Variants in COPB1 observed in about 807,000 individuals in gnomAD.
COPB1 encodes the protein coat protein complex I subunit beta 1.
A neutral mutation model predicts 108.7 loss-of-function variants in COPB1; 21 were observed. The ratio of observed to expected loss-of-function variants is 0.19; its 90% confidence interval spans 0.14 to 0.28. The LOEUF (loss-of-function observed/expected upper bound fraction) is 0.28. COPB1 is among the 10% of genes least tolerant of loss of function. COPB1 has a pLI of 1.00. For missense variants in COPB1, 919 were observed against 1,141.3 expected (o/e 0.81, Z 2.81); for synonymous variants, 378 against 386.8 (o/e 0.98, Z 0.27).
At chr11:14,486,827 G>A (rs1019043651) in intron 6 of COPB1, among the ~76,000 whole-genome samples, 2 of 151,942 alleles carry the variant, frequency 1.3e-5, no homozygotes, top group Non-Finnish European at 2.9e-5. Flanking sequence ...TTACTGTTTC[G>A]TAAAAGGTTT....
At chr11:14,464,648 A>T (rs2575831) in intron 18 of COPB1, among the ~76,000 whole-genome samples, 101,480 of 151,928 alleles carry the variant, frequency 0.67, 34,114 homozygotes, top group African/African-American at 0.71. Context: ...ATATAAACCA[A>T]CCTGTAACAC....
At chr11:14,483,228 CCA>C (rs3217599) in intron 7 of COPB1, 77 bp from the exon 8 acceptor site, 33,893 of 497,426 alleles carry the variant, frequency 0.068, 414 homozygotes, top group African/African-American at 0.12. Flanking sequence ...CGCGCGCACA[CCA>C]CACACACACA....
intron 10 of COPB1, among the ~76,000 whole-genome samples, chr11:14,480,377 C>T (rs1342404968): frequency 2.0e-5 from 3 of 152,164 alleles, no homozygotes; most frequent in African/African-American, 7.2e-5. Context: ...CTGACAGTGA[C>T]AGCAAAATAT....
At chr11:14,486,567 T>C in intron 6 of COPB1, 63 bp from the exon 7 acceptor site, 1 of 1,588,174 alleles carries the variant, frequency 6.3e-7, no homozygotes, top group South Asian at 1.1e-5. Flanking sequence ...AATGGAGTTT[T>C]TTCATGAATG....
chr11:14,498,844 C>G lies in COPB1; in HGVS notation c.85G>C (p.Asp29His). 1 of 1,595,414 alleles carries G rather than the reference C, an allele frequency of 6.3e-7. No homozygotes were observed. Among genetic ancestry groups the G allele is most frequent in the Non-Finnish European group, 8.5e-7 (1 of 1,173,178 alleles). ...AAATAATATCGAAGTTTACCTAGAT[C>G]ATTTTTTAAGCTAATTTCAGATGGT... is the stretch of plus-strand genomic sequence containing the variant. ...EPPSEISLKN[D>H]LEKGDVKSKT... The change falls in exon 2 of 22, where the codon GAT becomes CAT. Residue 29 changes from aspartate (D) to histidine (H), a missense_variant. Physicochemically the swap from Asp to His is moderately conservative, Grantham distance 81. This residue lies in a region of COPB1 where 92 missense variants were observed against 108.4 expected (regional missense o/e 0.85). Transcript: ENST00000439561.
At chr11:14,496,305 C>T (rs1392818017) in intron 2 of COPB1, among the ~76,000 whole-genome samples, 1 of 151,548 alleles carries the variant, frequency 6.6e-6, no homozygotes, top group East Asian at 1.9e-4. Flanking sequence ...AAAGGAGACA[C>T]GGTATACATT....
In COPB1 at chr11:14,468,717, T is replaced by C. The variant is rs1350986914; in HGVS notation, c.2109A>G (p.Lys703=). The C allele has an allele frequency of 1.9e-6, 3 of 1,614,166 alleles. No homozygotes were observed. The highest frequency in any genetic ancestry group is 1.7e-5 in the Admixed American group (1 of 60,030). Residue 703 remains lysine, a synonymous_variant, in exon 16 of 22, where the codon AAA becomes AAG. Coordinates refer to ENST00000439561, the MANE Select transcript of COPB1 (RefSeq NM_001144061.2). ...TAGATGCTAGGGGATCTGCTGCCTC[T>C]TTCCTCTGTGTGTTACCCATTGCTG... ...LLAAMGNTQR[K]EAADPLASKL... is the part of the protein sequence containing the mutation.
In COPB1 at chr11:14,457,555, G is replaced by A. The variant is rs1850055423; in HGVS notation, c.*269C>T. 4.7e-6 allele frequency: 1 copy of A among 212,848 alleles called. No individual in the cohort carries two copies. The highest frequency in any genetic ancestry group is 5.7e-5 in the Admixed American group (1 of 17,426). 13.2% of individuals were successfully genotyped at this position (212,848 alleles called of 1,614,324 possible). A position where few individuals can be genotyped will look rare whatever the true frequency, so the allele number is the denominator to read the frequency against. On this transcript the variant is annotated 3_prime_UTR_variant, in exon 22 of 22. Coordinates refer to ENST00000439561, the MANE Select transcript of COPB1 (RefSeq NM_001144061.2). ...TATTTATAAAATAACAAAAATTTAT[G>A]AATAGATCTGTTTATTGTACTGTGA... is the stretch of plus-strand genomic sequence containing the variant.
chr11:14,484,416 G>A (rs2597193), intron 7 of COPB1, among the ~76,000 whole-genome samples: 47,573 of 152,046 alleles, frequency 0.31, 8,244 homozygotes, highest in African/African-American at 0.47. Flanking sequence ...GCTGGGTGAA[G>A]AATATATAAG....
In COPB1 at chr11:14,489,805, T is replaced by C. The variant is rs569257996; in HGVS notation, c.606+760A>G. On this transcript the variant is annotated intron_variant, in intron 5 of 21. Coordinates refer to ENST00000439561, the MANE Select transcript of COPB1 (RefSeq NM_001144061.2). ...AAGTTATGAGGATGGAAGATAGTGA[T>C]GGTTCTACATTATAAATGTATTTAA... Among the ~76,000 whole-genome samples, 28 of 152,320 alleles carry C rather than the reference T, an allele frequency of 1.8e-4. 1 individual carries two copies. The South Asian group carries it at 5.0e-3, about 27-fold the overall frequency.
Position 14,466,651 on chromosome 11 carries a change from A to G in COPB1, c.2146-225T>C, listed in dbSNP as rs577148423. 7.9e-5 allele frequency among the ~76,000 whole-genome samples: 12 copies of G among 152,350 alleles called. No homozygotes were observed. The East Asian group carries it at 2.3e-3, about 29-fold the overall frequency. On this transcript the variant is annotated intron_variant, in intron 16 of 21. Transcript: ENST00000439561. ...AGACATCTATTTGTTTTTAAGCTCA[A>G]TAACTCAGTATAAGGTATTATACAT...
chr11:14,494,421 G>GAAGA lies in COPB1; in HGVS notation c.109_110insTCTT (p.Ser37PhefsTer5). On this transcript the variant is annotated frameshift_variant, in exon 3 of 22. Transcript: ENST00000439561. LOFTEE classifies it high-confidence loss of function. ...TACTTTCTTCAAAGCTTCAGTCTTTGACTTTACATCTCCTTTTTCTGAATC... is the reference window on the plus strand; with the variant it reads ...TACTTTCTTCAAAGCTTCAGTCTTTGAAGAACTTTACATCTCCTTTTTCTGAATC... 6.3e-7 allele frequency: 1 copy of GAAGA among 1,577,496 alleles called. No homozygotes were observed. The highest frequency in any genetic ancestry group is 8.6e-7 in the Non-Finnish European group (1 of 1,156,146).
chr11:14,461,745 G>A (rs895215027), intron 18 of COPB1, among the ~76,000 whole-genome samples: 1 of 152,132 alleles, frequency 6.6e-6, no homozygotes, highest in African/African-American at 2.4e-5. Context: ...CCCATAGGAG[G>A]TACTTAACTA....
intron 13 of COPB1, 91 bp downstream of exon 13, chr11:14,475,694 A>G: frequency 7.7e-7 from 1 of 1,303,076 alleles, no homozygotes; most frequent in Admixed American, 2.9e-5. Context: ...TTGGTTGCAA[A>G]AGCAAGAGGA....
intron 17 of COPB1, among the ~76,000 whole-genome samples, 188 bp downstream of exon 17, chr11:14,466,094 T>A (rs980093717): frequency 6.6e-6 from 1 of 152,172 alleles, no homozygotes; most frequent in Non-Finnish European, 1.5e-5. Flanking sequence ...GCATAAAAAT[T>A]CAGTATGACA....
chr11:14,491,115 G>A (rs1416009320), intron 4 of COPB1, among the ~76,000 whole-genome samples: 1 of 151,710 alleles, frequency 6.6e-6, no homozygotes, highest in Non-Finnish European at 1.5e-5. Flanking sequence ...GAGTGATCTC[G>A]GCTTACTGCA....
Position 14,461,214 on chromosome 11 carries a change from A to G in COPB1, c.2528T>C (p.Met843Thr), listed in dbSNP as rs1338730966. The part of the protein sequence containing the change: ...ATCTDAEFRQ[M>T]WAEFEWENKV... ...GTTTTCCCATTCAAATTCGGCCCAC[A>G]TCTGACGGAATTCTGCATCAGTGCA... The change falls in exon 19 of 22, where the codon ATG becomes ACG. Residue 843 changes from methionine (M) to threonine (T), a missense_variant. Coordinates refer to ENST00000439561, the MANE Select transcript of COPB1 (RefSeq NM_001144061.2). 1 of 1,614,182 alleles carries G rather than the reference A, an allele frequency of 6.2e-7. No homozygotes were observed. Among genetic ancestry groups the G allele is most frequent in the Non-Finnish European group, 8.5e-7 (1 of 1,180,026 alleles).
intron 11 of COPB1, among the ~76,000 whole-genome samples, chr11:14,478,292 T>C (rs1182163615): frequency 6.6e-6 from 1 of 151,462 alleles, no homozygotes; most frequent in Non-Finnish European, 1.5e-5. Context: ...TATTATTTTA[T>C]GGCCAGACAC....
intron 4 of COPB1, among the ~76,000 whole-genome samples, chr11:14,491,847 A>T (rs536524227): frequency 5.7e-4 from 87 of 152,362 alleles, no homozygotes; most frequent in Middle Eastern, 3.4e-3. Context: ...ATATCAATAT[A>T]TTAAGAATTA....
Sources: gnomAD v4.1 joint callset for allele counts (sites outside exome capture counted in the v4.1 genomes callset) on GRCh38, gnomAD v4.1.1 for gene constraint, gnomAD v4.1.1 regional missense constraint, MANE v1.5 for transcripts, NCBI Gene and HGNC (gene_info 2026-07-23, HGNC 2026-07-21) for gene names.